Variants in CCDC30 observed in about 807,000 individuals in gnomAD.
The protein encoded by CCDC30 is coiled-coil domain containing 30.
In CCDC30, 70 loss-of-function variants were observed where a neutral mutation model predicts 100.2. The ratio of observed to expected loss-of-function variants is 0.70; its 90% CI spans 0.58 to 0.85. The LOEUF is 0.85. Ranked by LOEUF, CCDC30 falls within the 40% of genes least tolerant of loss-of-function variation. The pLI is 0.00. For missense variants in CCDC30, 652 were observed against 771.2 expected (o/e 0.85, Z 1.83); for synonymous variants, 233 against 269.5 (o/e 0.86, Z 1.33).
At chr1:42,468,970 G>C (rs1478857690) in intron 1 of CCDC30, among the ~76,000 whole-genome samples, 2 of 151,968 alleles carry the variant, frequency 1.3e-5, no homozygotes, top group African/African-American at 4.8e-5. Flanking sequence ...AGAAGGAAAG[G>C]CTAGAGACAT....
intron 6 of CCDC30, chr1:42,500,463 G>C: frequency 3.1e-6 from 2 of 650,400 alleles, no homozygotes; most frequent in East Asian, 5.7e-5. Flanking sequence ...GCCCAGGCTA[G>C]AGTGCAGTGG....
intron 1 of CCDC30, among the ~76,000 whole-genome samples, chr1:42,471,858 CAAG>C (rs1326285921): frequency 1.3e-5 from 2 of 150,240 alleles, no homozygotes; most frequent in Admixed American, 6.7e-5. Context: ...ACTTAGCAAT[CAAG>C]GAGAAAAATA....
chr1:42,552,185 T>C (rs1645265752), intron 6 of CCDC30, among the ~76,000 whole-genome samples: 1 of 152,214 alleles, frequency 6.6e-6, no homozygotes, highest in South Asian at 2.1e-4. Flanking sequence ...AATTTACTAA[T>C]TAACTGATTC....
At chr1:42,579,251 A>G (rs1201023671) in intron 8 of CCDC30, among the ~76,000 whole-genome samples, 1 of 151,664 alleles carries the variant, frequency 6.6e-6, no homozygotes, top group East Asian at 2.0e-4. Flanking sequence ...CAGCCTCCCA[A>G]AGTGCTGGGA....
At chr1:42,592,187 G>T (rs920535746) in intron 10 of CCDC30, 6 of 152,188 alleles carry the variant, frequency 3.9e-5, no homozygotes, top group Non-Finnish European at 7.3e-5. Context: ...GGTAGGGAAT[G>T]ATTGTATCTT....
At chr1:42,610,132 C>T (rs1045457831) in intron 10 of CCDC30, among the ~76,000 whole-genome samples, 1 of 152,164 alleles carries the variant, frequency 6.6e-6, no homozygotes, top group Non-Finnish European at 1.5e-5. Flanking sequence ...TCCTTGTAGT[C>T]CTCAATTCCA....
intron 11 of CCDC30, among the ~76,000 whole-genome samples, chr1:42,621,613 G>C (rs550331252): frequency 6.6e-6 from 1 of 152,016 alleles, no homozygotes; most frequent in South Asian, 2.1e-4. Context: ...CCGGGTTCAC[G>C]CCATTCTCCT....
intron 6 of CCDC30, among the ~76,000 whole-genome samples, chr1:42,504,078 T>G (rs1644361024): frequency 6.6e-6 from 1 of 152,234 alleles, no homozygotes; most frequent in South Asian, 2.1e-4. Flanking sequence ...GTATCCCTTA[T>G]GGGAAACGAA....
chr1:42,543,205 C>T (rs911226243), intron 6 of CCDC30, among the ~76,000 whole-genome samples: 7 of 149,410 alleles, frequency 4.7e-5, no homozygotes, highest in African/African-American at 1.5e-4. Context: ...GAACTCCTGA[C>T]CTCATGATCT....
chr1:42,614,040 T>A (rs1377071344), intron 11 of CCDC30, among the ~76,000 whole-genome samples: 1 of 152,066 alleles, frequency 6.6e-6, no homozygotes, highest in Non-Finnish European at 1.5e-5. Flanking sequence ...AATACTACTA[T>A]TGATGGGGGA....
chr1:42,459,540 T>G, upstream of CCDC30: 85 of 1,329,530 alleles, frequency 6.4e-5, no homozygotes, highest in Middle Eastern at 1.9e-4. Context: ...TAGTTTCCCA[T>G]GAGATTGACC....
At chr1:42,576,999 T>G (rs376373176) in intron 7 of CCDC30, 21 bp from the exon 12 acceptor site, 63 of 1,552,418 alleles carry the variant, frequency 4.1e-5, no homozygotes, top group Non-Finnish European at 5.6e-5. Context: ...TGTATTACTC[T>G]TACTTATTCT....
At chr1:42,491,827 G>C (rs1458161805) in intron 4 of CCDC30, 5 of 347,848 alleles carry the variant, frequency 1.4e-5, no homozygotes, top group Non-Finnish European at 2.8e-5. Context: ...AAGAAAGATT[G>C]GTGTGATGTA....
chr1:42,503,029 C>T (rs921970821), intron 6 of CCDC30, among the ~76,000 whole-genome samples: 3 of 152,194 alleles, frequency 2.0e-5, no homozygotes, highest in Admixed American at 6.5e-5. Context: ...ACTATAAATG[C>T]GCACCACCAC....
chr1:42,498,261 C>T (rs1644257777), intron 5 of CCDC30, among the ~76,000 whole-genome samples: 1 of 152,116 alleles, frequency 6.6e-6, no homozygotes, highest in East Asian at 1.9e-4. Context: ...ATAGAATGGT[C>T]ATTGCCAGTG....
At chr1:42,456,287 T>C in the CCDC30 span, 7 of 594,426 alleles carry the variant, frequency 1.2e-5, no homozygotes, top group African/African-American at 1.9e-5. Flanking sequence ...GGGTCAAACA[T>C]GGCCAGTTCT....
intron 11 of CCDC30, among the ~76,000 whole-genome samples, chr1:42,635,914 G>T (rs1314334401): frequency 6.6e-6 from 1 of 152,070 alleles, no homozygotes; most frequent in African/African-American, 2.4e-5. Flanking sequence ...AGTGTATAAG[G>T]GTTCCAATTT....
At chr1:42,514,913 A>G (rs1644532288) in intron 6 of CCDC30, among the ~76,000 whole-genome samples, 1 of 152,046 alleles carries the variant, frequency 6.6e-6, no homozygotes, top group African/African-American at 2.4e-5. Flanking sequence ...TTGGCCTCCC[A>G]AAGTGCTGGG....
At chr1:42,598,766 A>G (rs1361950990) in intron 10 of CCDC30, among the ~76,000 whole-genome samples, 1 of 151,910 alleles carries the variant, frequency 6.6e-6, no homozygotes, top group Non-Finnish European at 1.5e-5. Flanking sequence ...TCAAAAAAAA[A>G]AGTAAAGGTG....
Sources: allele counts gnomAD v4.1 joint callset (sites outside exome capture counted in the v4.1 genomes callset), GRCh38; gene constraint gnomAD v4.1.1; transcripts MANE v1.5; gene names NCBI Gene and HGNC (gene_info 2026-07-23, HGNC 2026-07-21).